Variants in CMTM8 observed in about 807,000 individuals in gnomAD.
CMTM8 encodes CKLF like MARVEL transmembrane domain containing 8.
A neutral mutation model predicts 18.6 loss-of-function variants in CMTM8; 12 were observed. The ratio of observed to expected loss-of-function variants is 0.65; its 90% CI spans 0.41 to 1.05. CMTM8 has a LOEUF of 1.05. Among genes scored for constraint, CMTM8 ranks in the 50% least tolerant of loss-of-function variants. The probability of loss-of-function intolerance (pLI) is 0.00; values close to 1 mark genes in which losing one functional copy is unlikely to be tolerated. For missense variants in CMTM8, 217 were observed against 227.2 expected (o/e 0.95, Z 0.29); for synonymous variants, 87 against 90.6 (o/e 0.96, Z 0.23).
intron 1 of CMTM8, among the ~76,000 whole-genome samples, chr3:32,240,416 A>AT (rs148218800): frequency 5.1e-4 from 77 of 152,290 alleles, no homozygotes; most frequent in African/African-American, 1.8e-3. Context: ...TTCAACAAAT[A>AT]TTTGCTGTGC....
intron 1 of CMTM8, among the ~76,000 whole-genome samples, chr3:32,319,302 C>T (rs896588662): frequency 2.1e-4 from 32 of 151,460 alleles, no homozygotes; most frequent in African/African-American, 7.8e-4. Flanking sequence ...TGGTCTCGAA[C>T]TCCTGACCTC....
intron 1 of CMTM8, among the ~76,000 whole-genome samples, chr3:32,324,582 G>A (rs532903855): frequency 6.6e-6 from 1 of 152,278 alleles, no homozygotes; most frequent in South Asian, 2.1e-4. Context: ...GTAGCAGATG[G>A]TCCTTTTTTT....
chr3:32,255,385 G>T (rs769723799), intron 1 of CMTM8, among the ~76,000 whole-genome samples: 2 of 152,060 alleles, frequency 1.3e-5, no homozygotes, highest in Non-Finnish European at 2.9e-5. Context: ...TACAATCCCT[G>T]TACTACTTTT....
chr3:32,293,124 T>G (rs1702811826), intron 1 of CMTM8, among the ~76,000 whole-genome samples: 2 of 151,724 alleles, frequency 1.3e-5, no homozygotes, highest in Non-Finnish European at 2.9e-5. Flanking sequence ...ATAGATATCC[T>G]AGAGATCTCT....
At chr3:32,317,252 G>A (rs1695950408) in intron 1 of CMTM8, among the ~76,000 whole-genome samples, 1 of 152,136 alleles carries the variant, frequency 6.6e-6, no homozygotes, top group Non-Finnish European at 1.5e-5. Flanking sequence ...GGACCACAGG[G>A]ACTTCTCAGT....
At chr3:32,292,571 A>G (rs1012795401) in intron 1 of CMTM8, among the ~76,000 whole-genome samples, 1 of 152,138 alleles carries the variant, frequency 6.6e-6, no homozygotes, top group South Asian at 2.1e-4. Flanking sequence ...CCACTGACAC[A>G]TGACAATTTT....
At chr3:32,252,007 T>G (rs1480649278) in intron 1 of CMTM8, among the ~76,000 whole-genome samples, 1 of 152,064 alleles carries the variant, frequency 6.6e-6, no homozygotes, top group Admixed American at 6.6e-5. Flanking sequence ...GGAGGATGGC[T>G]TGAGCCCAGG....
chr3:32,307,328 C>T lies in CMTM8; in HGVS notation c.148-50045C>T, dbSNP rs554859300. ...TGCACTCCAGCCTGACCGACAAGAG[C>T]GAAACTCCATCTTAAAAAAAAAGAG... is the stretch of plus-strand genomic sequence containing the variant. On this transcript the variant is annotated intron_variant, in intron 1 of 3. Transcript: ENST00000307526. 1.4e-4 allele frequency among the ~76,000 whole-genome samples: 22 copies of T among 151,988 alleles called. No individual in the cohort carries two copies. The East Asian group carries it at 4.1e-3, about 28-fold the overall frequency.
At chr3:32,352,338 AACAAGATGCTATTC>A (rs1228401370) in intron 1 of CMTM8, among the ~76,000 whole-genome samples, 12 of 152,326 alleles carry the variant, frequency 7.9e-5, no homozygotes, top group African/African-American at 2.4e-4. Context: ...TTAAAGTAGA[AACAAGATGCTATTC>A]ATCAGTGGTT....
At chr3:32,278,337 C>A (rs779996442) in intron 1 of CMTM8, among the ~76,000 whole-genome samples, 5 of 152,120 alleles carry the variant, frequency 3.3e-5, no homozygotes, top group Admixed American at 6.5e-5. Flanking sequence ...AATGTGAGAG[C>A]GGATGGTATG....
chr3:32,253,632 C>T (rs538719507), intron 1 of CMTM8, among the ~76,000 whole-genome samples: 40 of 151,686 alleles, frequency 2.6e-4, no homozygotes, highest in African/African-American at 8.0e-4. Flanking sequence ...GGATTACAGG[C>T]GTGAGCCACC....
intron 1 of CMTM8, among the ~76,000 whole-genome samples, chr3:32,258,048 G>A (rs1342078495): frequency 2.0e-5 from 3 of 152,146 alleles, no homozygotes; most frequent in African/African-American, 4.8e-5. Flanking sequence ...CGCTGCTGGA[G>A]GGAGGGGGGC....
intron 1 of CMTM8, among the ~76,000 whole-genome samples, chr3:32,328,075 T>G (rs1696196146): frequency 6.6e-6 from 1 of 152,110 alleles, no homozygotes; most frequent in African/African-American, 2.4e-5. Context: ...GCCTCATTTC[T>G]ACAAAAAAAA....
intron 1 of CMTM8, among the ~76,000 whole-genome samples, chr3:32,284,996 G>A (rs1185196900): frequency 6.6e-6 from 1 of 152,130 alleles, no homozygotes; most frequent in African/African-American, 2.4e-5. Flanking sequence ...AGTCTGAGAG[G>A]CCCCAGCGAA....
chr3:32,254,636 A>T (rs1401745341), intron 1 of CMTM8, among the ~76,000 whole-genome samples: 2 of 152,144 alleles, frequency 1.3e-5, no homozygotes, highest in Non-Finnish European at 2.9e-5. Context: ...ATATATAATT[A>T]TATGATTCCA....
At chr3:32,293,097 A>ATATT (rs533960018) in intron 1 of CMTM8, among the ~76,000 whole-genome samples, 2 of 150,914 alleles carry the variant, frequency 1.3e-5, no homozygotes, top group African/African-American at 4.9e-5. Flanking sequence ...ATATATATAT[A>ATATT]TTTAACTTTT....
At chr3:32,268,134 C>T (rs1702376386) in intron 1 of CMTM8, among the ~76,000 whole-genome samples, 1 of 152,196 alleles carries the variant, frequency 6.6e-6, no homozygotes, top group Admixed American at 6.5e-5. Context: ...GCTATAAAGA[C>T]ACATGCACAC....
At position 32,367,873 on chromosome 3, in the gene CMTM8, GC is replaced by G; in HGVS notation, c.325del (p.Leu109CysfsTer17). ...CACTCTGCCCCTGTGTCCCCCCAGG[GC>G]CTGTGCTTTAACGGCAGTGCCTTCG... ...RIPQVPWTTV[G>X]LCFNGSAFVL... On this transcript the variant is annotated frameshift_variant and splice_region_variant, in exon 3 of 4. Transcript: ENST00000307526. LOFTEE classifies it high-confidence loss of function. 1 of 1,610,670 alleles carries G rather than the reference GC, an allele frequency of 6.2e-7. No homozygotes were observed. The highest frequency in any genetic ancestry group is 8.5e-7 in the Non-Finnish European group (1 of 1,177,226).
intron 1 of CMTM8, among the ~76,000 whole-genome samples, chr3:32,340,285 C>T (rs570995544): frequency 1.3e-5 from 2 of 152,280 alleles, no homozygotes; most frequent in African/African-American, 4.8e-5. Context: ...TGGATACCCT[C>T]TAGTGGATAA....
Sources: gnomAD v4.1 joint callset for allele counts (sites outside exome capture counted in the v4.1 genomes callset) on GRCh38, gnomAD v4.1.1 for gene constraint, MANE v1.5 for transcripts, NCBI Gene and HGNC (gene_info 2026-07-23, HGNC 2026-07-21) for gene names.